Variants in STX5 observed in about 807,000 individuals in gnomAD.
STX5 encodes the protein syntaxin 5.
STX5 carries 15 observed loss-of-function variants against 42.9 expected under a neutral mutation model. That is an observed-to-expected ratio of 0.35 (90% CI 0.23 to 0.54). The LOEUF (loss-of-function observed/expected upper bound fraction) is 0.54, where lower values mean the gene tolerates loss of function less well. Among genes scored for constraint, STX5 ranks in the 20% least tolerant of loss-of-function variants. STX5 has a pLI of 0.91. For synonymous variants in STX5, 184 were observed against 173.2 expected, an observed-to-expected ratio of 1.06 and a Z score of -0.49; for missense variants, 430 against 455.0, an observed-to-expected ratio of 0.95 and a Z score of 0.50.
At chr11:62,823,556 A>AT (rs1451967174) in intron 10 of STX5, among the ~76,000 whole-genome samples, 1 of 150,466 alleles carries the variant, frequency 6.6e-6, no homozygotes, top group East Asian at 2.0e-4. Context: ...TTTTATTTTT[A>AT]TTTTTTTGAC....
intron 10 of STX5, 116 bp downstream of exon 10, chr11:62,824,050 G>A (rs2084766841): frequency 4.6e-6 from 7 of 1,524,638 alleles, no homozygotes; most frequent in South Asian, 1.2e-5. Context: ...GGTCCCATGG[G>A]TGGGCAGAAT....
intron 10 of STX5, among the ~76,000 whole-genome samples, chr11:62,816,851 C>T (rs1266614424): frequency 1.3e-5 from 2 of 149,684 alleles, no homozygotes; most frequent in East Asian, 2.1e-4. Context: ...GCCGAGATTG[C>T]GCCACTACAC....
chr11:62,820,876 G>T (rs1269555497), intron 10 of STX5, among the ~76,000 whole-genome samples: 1 of 151,978 alleles, frequency 6.6e-6, no homozygotes, highest in Non-Finnish European at 1.5e-5. Context: ...TTGAAATTTT[G>T]ATTAAAATTC....
chr11:62,820,548 A>G (rs79369383), intron 10 of STX5, among the ~76,000 whole-genome samples: 12,390 of 145,990 alleles, frequency 0.085, 647 homozygotes, highest in East Asian at 0.14. Context: ...ATGGAGTCTC[A>G]CTCTGTTGCC....
intron 4 of STX5, 43 bp from the exon 5 acceptor site, chr11:62,827,268 C>G: frequency 1.2e-6 from 2 of 1,614,040 alleles, no homozygotes; most frequent in African/African-American, 2.7e-5. Flanking sequence ...AGGTCAAGGA[C>G]AAAGCTCAGG....
chr11:62,816,308 G>A (rs1302277235), intron 10 of STX5, among the ~76,000 whole-genome samples: 1 of 151,912 alleles, frequency 6.6e-6, no homozygotes, highest in African/African-American at 2.4e-5. Flanking sequence ...TTAGAGATAC[G>A]GTCTCACTCT....
chr11:62,829,020 G>A (rs1157431483), intron 2 of STX5, among the ~76,000 whole-genome samples: 1 of 150,276 alleles, frequency 6.7e-6, no homozygotes, highest in Non-Finnish European at 1.5e-5. Flanking sequence ...CCCAGATCAC[G>A]TCACTGCACT....
At chr11:62,830,398 T>C (rs902152561) in intron 2 of STX5, 3 of 376,572 alleles carry the variant, frequency 8.0e-6, no homozygotes, top group Non-Finnish European at 1.6e-5. Flanking sequence ...GAAAAAATTT[T>C]AAAATTAGCT....
At chr11:62,813,864 G>A (rs886641438) in intron 10 of STX5, among the ~76,000 whole-genome samples, 1 of 152,024 alleles carries the variant, frequency 6.6e-6, no homozygotes, top group African/African-American at 2.4e-5. Flanking sequence ...GCTCCTCTTA[G>A]AGCCAAGCCT....
intron 10 of STX5, among the ~76,000 whole-genome samples, chr11:62,809,673 CAAAAA>C (rs749188946): frequency 1.6e-4 from 3 of 19,186 alleles, no homozygotes; most frequent in Non-Finnish European, 2.2e-4. Context: ...GACTCTGTCT[CAAAAA>C]AAAAAAAAAA....
Position 62,818,712 on chromosome 11 carries a change from A to T in STX5, c.908+5454T>A, listed in dbSNP as rs142847466. ...ACCAAAAAAAAAAAAAAAGAAAAAA[A>T]ATCAGCCTGGTGTGGTGGTGTATGC... is the stretch of plus-strand genomic sequence containing the variant. On this transcript the variant is annotated intron_variant, in intron 10 of 10. Transcript: ENST00000294179. Among the ~76,000 whole-genome samples the T allele has an allele frequency of 3.7e-3, 556 of 151,434 alleles. 4 individuals carry two copies. Among genetic ancestry groups the T allele is most frequent in the African/African-American group, 0.011 (454 of 41,344 alleles).
In STX5 at chr11:62,807,286, G is replaced by A. The variant is rs561968003; in HGVS notation, c.*183C>T. On this transcript the variant is annotated 3_prime_UTR_variant, in exon 11 of 11. Coordinates refer to ENST00000294179, the MANE Select transcript of STX5 (RefSeq NM_003164.5). ...TGTGTTTCATAGGCCTGAGGGTGGT[G>A]GGGGGAGGACAGGGTGGCCAGAGGC... The A allele has an allele frequency of 3.6e-5, 30 of 825,366 alleles. No homozygotes were observed. The Admixed American group carries it at 7.2e-4, about 20-fold the overall frequency. The allele number at this position is 825,366 out of a possible 1,614,324, so 51.1% of individuals were successfully genotyped here.
chr11:62,827,319 C>T, intron 4 of STX5, 24 bp downstream of exon 4: 1 of 1,614,230 alleles, frequency 6.2e-7, no homozygotes, highest in Non-Finnish European at 8.5e-7. Flanking sequence ...TGCCCCACTT[C>T]TGAAAGACCC....
chr11:62,813,802 C>A (rs948385887), intron 10 of STX5, among the ~76,000 whole-genome samples: 3 of 151,994 alleles, frequency 2.0e-5, no homozygotes, highest in Non-Finnish European at 2.9e-5. Flanking sequence ...AGATAAATGC[C>A]GCTCCACCCC....
At chr11:62,830,494 G>A (rs1424110649) in intron 2 of STX5, 1 of 455,192 alleles carries the variant, frequency 2.2e-6, no homozygotes, top group East Asian at 6.9e-5. Flanking sequence ...CTGCAAGTGA[G>A]CTATCATCAC....
At chr11:62,831,692 G>A (rs1157869489) in intron 1 of STX5, among the ~76,000 whole-genome samples, 1 of 152,110 alleles carries the variant, frequency 6.6e-6, no homozygotes, top group African/African-American at 2.4e-5. Context: ...AAACCTCTGG[G>A]TGTTTATTTG....
intron 10 of STX5, among the ~76,000 whole-genome samples, chr11:62,819,108 C>A (rs1195652388): frequency 2.7e-5 from 4 of 149,850 alleles, no homozygotes; most frequent in Non-Finnish European, 5.9e-5. Context: ...GTAGTCCCAG[C>A]TACTCAGGAG....
chr11:62,807,851 C>T, intron 10 of STX5: 1 of 770,672 alleles, frequency 1.3e-6, no homozygotes. Flanking sequence ...AGTCTAACTT[C>T]AAGCTTCATT....
Position 62,830,277 on chromosome 11 carries a change from A to G in STX5, c.225+742T>C. The G allele has an allele frequency of 1.4e-5, 3 of 207,000 alleles. No homozygotes were observed. In the South Asian group the frequency reaches 1.9e-4, roughly 13 times the overall value. The allele number at this position is 207,000 out of a possible 1,614,324, so 12.8% of individuals were successfully genotyped here. On this transcript the variant is annotated intron_variant, in intron 2 of 10. Coordinates refer to ENST00000294179, the MANE Select transcript of STX5 (RefSeq NM_003164.5). ...AGGCCTCCCAAAGTGCTGGAATTAC[A>G]GGTATGAGCCACCACATCCAACCCT... is the stretch of plus-strand genomic sequence containing the variant.
Sources: gnomAD v4.1 joint callset for allele counts (sites outside exome capture counted in the v4.1 genomes callset) on GRCh38, gnomAD v4.1.1 for gene constraint, MANE v1.5 for transcripts, NCBI Gene and HGNC (gene_info 2026-07-23, HGNC 2026-07-21) for gene names.